PCDH15: variants seen among roughly 807,000 people sequenced by gnomAD.
PCDH15 encodes the protein protocadherin-15.
Under a neutral mutation model 178.5 loss-of-function variants are expected in PCDH15, and 129 were observed. That is an observed-to-expected ratio of 0.72 (90% CI 0.63 to 0.84). The LOEUF is 0.84. PCDH15 is among the 40% of genes least tolerant of loss of function. The pLI is 0.00. For synonymous variants in PCDH15, 800 were observed against 732.0 expected (o/e 1.09, Z -1.50); for missense variants, 2,230 against 2,099.9 (o/e 1.06, Z -1.21).
chr10:55,486,807 T>C (rs1480016636), intron 2 of PCDH15, among the ~76,000 whole-genome samples: 1 of 151,544 alleles, frequency 6.6e-6, no homozygotes, highest in Non-Finnish European at 1.5e-5. Context: ...GCACCTGGCT[T>C]GTTGGAGCTT....
intron 8 of PCDH15, among the ~76,000 whole-genome samples, chr10:54,253,437 AT>A (rs2056658377): frequency 6.6e-6 from 1 of 152,048 alleles, no homozygotes; most frequent in Non-Finnish European, 1.5e-5. Context: ...CATCGAGAAT[AT>A]TGAGAAATCT....
Position 53,805,165 on chromosome 10 carries a change from G to A in PCDH15, c.*1414C>T, listed in dbSNP as rs959595911. 1.3e-5 allele frequency: 2 copies of A among 151,946 alleles called. No homozygotes were observed. Among genetic ancestry groups the A allele is most frequent in the Non-Finnish European group, 2.9e-5 (2 of 67,940 alleles). The allele number at this position is 151,946 out of a possible 1,614,324, so 9.4% of individuals were successfully genotyped here. A position where few individuals can be genotyped will look rare whatever the true frequency, so the allele number is the denominator to read the frequency against. On this transcript the variant is annotated 3_prime_UTR_variant, in exon 38 of 38. Coordinates refer to ENST00000644397, the MANE Select transcript of PCDH15 (RefSeq NM_001384140.1). Reference sequence around the variant, plus strand: ...TTAAGACGCGAAACATGTAAGAGGGGAATAAATAATAGTGCATTATTCAGT... The same window carrying A: ...TTAAGACGCGAAACATGTAAGAGGGAAATAAATAATAGTGCATTATTCAGT...
intron 1 of PCDH15, among the ~76,000 whole-genome samples, chr10:54,783,114 T>A (rs1033636704): frequency 1.3e-5 from 2 of 152,100 alleles, no homozygotes; most frequent in Non-Finnish European, 2.9e-5. Context: ...CAAAATAATT[T>A]TCCAGTAAGA....
chr10:53,931,113 G>C (rs543563682), intron 25 of PCDH15, among the ~76,000 whole-genome samples: 1 of 152,260 alleles, frequency 6.6e-6, no homozygotes, highest in East Asian at 1.9e-4. Context: ...ATTTCTAACT[G>C]AATTGAAGAG....
At chr10:55,511,035 TTTTG>T (rs1210347283) in intron 2 of PCDH15, among the ~76,000 whole-genome samples, 18 of 141,054 alleles carry the variant, frequency 1.3e-4, no homozygotes, top group Non-Finnish European at 2.1e-4. Context: ...AATTTGTTTT[TTTTG>T]TTTGTTTGTT....
intron 4 of PCDH15, among the ~76,000 whole-genome samples, chr10:54,375,101 A>G (rs1948207532): frequency 6.6e-6 from 1 of 152,154 alleles, no homozygotes; most frequent in African/African-American, 2.4e-5. Flanking sequence ...ATAATTGGAT[A>G]TGGATCTACC....
chr10:55,237,920 T>C (rs748681302), intron 1 of PCDH15, among the ~76,000 whole-genome samples: 1 of 151,978 alleles, frequency 6.6e-6, no homozygotes, highest in Non-Finnish European at 1.5e-5. Flanking sequence ...TCTTTTTTCT[T>C]GATGAAAATT....
At chr10:54,721,221 G>C (rs1036418920) in intron 1 of PCDH15, among the ~76,000 whole-genome samples, 6 of 151,638 alleles carry the variant, frequency 4.0e-5, no homozygotes, top group Non-Finnish European at 7.4e-5. Context: ...AAAAGCTCTG[G>C]GATACAACAA....
At chr10:54,353,336 A>C (rs1944453207) in intron 5 of PCDH15, among the ~76,000 whole-genome samples, 2 of 152,208 alleles carry the variant, frequency 1.3e-5, no homozygotes, top group African/African-American at 4.8e-5. Flanking sequence ...TAAAGAAAAC[A>C]TAAGAAAAGA....
intron 2 of PCDH15, among the ~76,000 whole-genome samples, chr10:54,605,121 C>A (rs1489467869): frequency 6.6e-6 from 1 of 151,662 alleles, no homozygotes; most frequent in Non-Finnish European, 1.5e-5. Context: ...TTTAGTTATA[C>A]CTATATTTAA....
chr10:53,940,789 T>G lies in PCDH15; in HGVS notation c.3232+77A>C, dbSNP rs532483462. 72 of 1,045,862 alleles carry G rather than the reference T, an allele frequency of 6.9e-5. No individual in the cohort carries two copies. The South Asian group carries it at 8.9e-4, about 13-fold the overall frequency. The allele number at this position is 1,045,862 out of a possible 1,614,324, so 64.8% of individuals were successfully genotyped here. On this transcript the variant is annotated intron_variant, in intron 24 of 37. Transcript: ENST00000644397. ...TAGAAAACAATAGAATAGATAATAA[T>G]TTCAATTCAATCTGAAATTAGGCCA...
chr10:54,053,301 T>C (rs143015178), intron 18 of PCDH15, among the ~76,000 whole-genome samples: 6 of 152,348 alleles, frequency 3.9e-5, no homozygotes, highest in African/African-American at 1.2e-4. Flanking sequence ...GAATCTTCAT[T>C]ACAAAACTTT....
In PCDH15 at chr10:53,915,839, G is replaced by A. The variant is rs1210639742; in HGVS notation, c.3374-12469C>T. Reference sequence around the variant, plus strand: ...CCCAAAGTGCTGGGATTACAGGTGTGAGCCACTGTGCCCGGCCCGTATTTG... The same window carrying A: ...CCCAAAGTGCTGGGATTACAGGTGTAAGCCACTGTGCCCGGCCCGTATTTG... On this transcript the variant is annotated intron_variant, in intron 25 of 37. Coordinates refer to ENST00000644397, the MANE Select transcript of PCDH15 (RefSeq NM_001384140.1). Among the ~76,000 whole-genome samples the A allele has an allele frequency of 3.9e-5, 6 of 152,130 alleles. No homozygotes were observed. The South Asian group carries it at 1.2e-3, about 32-fold the overall frequency.
At chr10:55,110,219 T>C (rs1837465374) in intron 2 of PCDH15, among the ~76,000 whole-genome samples, 1 of 152,020 alleles carries the variant, frequency 6.6e-6, no homozygotes, top group Non-Finnish European at 1.5e-5. Context: ...CCCTCTTCCA[T>C]GTTATATCAG....
intron 1 of PCDH15, among the ~76,000 whole-genome samples, chr10:55,307,169 G>A (rs1417739086): frequency 4.0e-5 from 6 of 151,658 alleles, no homozygotes; most frequent in Admixed American, 6.6e-5. Context: ...AATTATATAA[G>A]GTATATTTTA....
At chr10:55,064,062 T>C (rs572837838) in intron 2 of PCDH15, among the ~76,000 whole-genome samples, 19 of 152,224 alleles carry the variant, frequency 1.2e-4, no homozygotes, top group Admixed American at 9.8e-4. Flanking sequence ...GTTTCTACAG[T>C]TGTGAGAATC....
rs1049937291 is a variant in PCDH15 at position 54,052,403 on chromosome 10, G to A, written c.2220+14354C>T. Among the ~76,000 whole-genome samples, 2 of 152,212 alleles carry A rather than the reference G, an allele frequency of 1.3e-5. 1 individual carries two copies. The highest frequency in any genetic ancestry group is 4.8e-5 in the African/African-American group (2 of 41,456). The stretch of plus-strand genomic sequence containing the variant: ...TCTTGCATCAGCATGACTTGTATGT[G>A]AGACATGGAATCAAAGGAGGTCATT... On this transcript the variant is annotated intron_variant, in intron 18 of 37. Coordinates refer to ENST00000644397, the MANE Select transcript of PCDH15 (RefSeq NM_001384140.1).
chr10:55,265,001 G>T (rs1247862815), intron 1 of PCDH15, among the ~76,000 whole-genome samples: 1 of 152,116 alleles, frequency 6.6e-6, no homozygotes, highest in Non-Finnish European at 1.5e-5. Context: ...GGGAATTAAA[G>T]ATACAAATCC....
At position 53,917,717 on chromosome 10, in the gene PCDH15, G is replaced by A. The variant is rs1005412788; in HGVS notation, c.3374-14347C>T. On this transcript the variant is annotated intron_variant, in intron 25 of 37. Coordinates refer to ENST00000644397, the MANE Select transcript of PCDH15 (RefSeq NM_001384140.1). ...CAAAAAGAAATGAACACACTGATAC[G>A]GTTTGGATGTTTGACTCCCCTGCAT... Among the ~76,000 whole-genome samples, 4 of 152,214 alleles carry A rather than the reference G, an allele frequency of 2.6e-5. No individual in the cohort carries two copies. In the East Asian group the frequency reaches 5.8e-4, roughly 22 times the overall value.
Sources: gnomAD v4.1 joint callset for allele counts (sites outside exome capture counted in the v4.1 genomes callset) on GRCh38, gnomAD v4.1.1 for gene constraint, MANE v1.5 for transcripts, NCBI Gene and HGNC (gene_info 2026-07-23, HGNC 2026-07-21) for gene names.